SMCHD1: variants seen among roughly 807,000 people sequenced by gnomAD.
The protein encoded by SMCHD1 is structural maintenance of chromosomes flexible hinge domain containing 1.
A neutral mutation model predicts 254.7 loss-of-function variants in SMCHD1; 78 were observed. The ratio of observed to expected loss-of-function variants is 0.31; its 90% CI spans 0.26 to 0.37. The LOEUF (loss-of-function observed/expected upper bound fraction) is 0.37, where lower values mean the gene tolerates loss of function less well. Ranked by LOEUF, SMCHD1 falls within the 10% of genes least tolerant of loss-of-function variation. The pLI is 1.00. For synonymous variants in SMCHD1, 766 were observed against 794.9 expected (o/e 0.96, Z 0.61); for missense variants, 1,840 against 2,408.1 (o/e 0.76, Z 4.94).
chr18:2,695,310 T>A (rs538161732), intron 8 of SMCHD1, among the ~76,000 whole-genome samples: 31 of 107,682 alleles, frequency 2.9e-4, no homozygotes, highest in South Asian at 2.8e-3. Flanking sequence ...TAAAAAAAAA[T>A]TTTTTTTTTT....
chr18:2,796,744 CTAATTTTTTG>C (rs1284332071), intron 47 of SMCHD1: 6 of 469,778 alleles, frequency 1.3e-5, no homozygotes, highest in Non-Finnish European at 2.2e-5. Context: ...CCATGCTTGG[CTAATTTTTTG>C]TATTTTTTTG....
chr18:2,715,793 G>A (rs1253925136), intron 17 of SMCHD1, among the ~76,000 whole-genome samples: 1 of 152,170 alleles, frequency 6.6e-6, no homozygotes, highest in Non-Finnish European at 1.5e-5. Context: ...TGAGACTGCA[G>A]TGAGCTATGA....
At chr18:2,656,453 G>A (rs1186661555) in intron 1 of SMCHD1, among the ~76,000 whole-genome samples, 192 bp downstream of exon 1, 1 of 152,236 alleles carries the variant, frequency 6.6e-6, no homozygotes, top group Non-Finnish European at 1.5e-5. Flanking sequence ...CCTGGCCCGG[G>A]CCTCGAAGTG....
intron 45 of SMCHD1, chr18:2,785,109 A>G: frequency 3.8e-6 from 1 of 259,836 alleles, no homozygotes; most frequent in Non-Finnish European, 7.6e-6. Flanking sequence ...TTTCCCTTCC[A>G]CAGGCTGTGT....
At chr18:2,748,384 A>AAATTTTTTTTTTTTTTTTTTTTTTT (rs2075504984) in intron 30 of SMCHD1, among the ~76,000 whole-genome samples, 3 of 68,288 alleles carry the variant, frequency 4.4e-5, no homozygotes, top group Admixed American at 1.5e-4. Context: ...GTGTGTGTGT[A>AAATTTTTTTTTTTTTTTTTTTTTTT]TATAAATTTT....
Position 2,726,475 on chromosome 18 carries a change from G to T in SMCHD1, c.2724G>T (p.Leu908=). The T allele has an allele frequency of 6.6e-7, 1 of 1,508,548 alleles. No individual in the cohort carries two copies. The highest frequency in any genetic ancestry group is 2.0e-5 in the Admixed American group (1 of 49,412). 93.4% of individuals were successfully genotyped at this position (1,508,548 alleles called of 1,614,324 possible). Reference sequence around the variant, plus strand: ...AGAATTATAATCTGAAGGTTACTCTGCCTGGCTTAAAAGAAGACTCACAGA... The same window carrying T: ...AGAATTATAATCTGAAGGTTACTCTTCCTGGCTTAAAAGAAGACTCACAGA... ...QGKNYNLKVT[L]PGLKEDSQIL... The change falls in exon 22 of 48, where the codon CTG becomes CTT. Residue 908 remains leucine, a synonymous_variant. Transcript: ENST00000320876.
intron 35 of SMCHD1, 21 bp downstream of exon 35, chr18:2,760,760 T>A: frequency 7.2e-7 from 1 of 1,391,328 alleles, no homozygotes; most frequent in Non-Finnish European, 1.0e-6. Context: ...TTTTTTTATA[T>A]ACCACAGTTA....
At chr18:2,681,147 T>A (rs945476684) in intron 5 of SMCHD1, among the ~76,000 whole-genome samples, 1 of 151,814 alleles carries the variant, frequency 6.6e-6, no homozygotes, top group East Asian at 1.9e-4. Flanking sequence ...GCATGGTGGC[T>A]CACGCGTGTA....
chr18:2,795,364 A>C (rs528337617), intron 45 of SMCHD1, among the ~76,000 whole-genome samples: 1 of 152,288 alleles, frequency 6.6e-6, no homozygotes, highest in Non-Finnish European at 1.5e-5. Flanking sequence ...CAGCCTAAAA[A>C]TTCTGTGTTT....
At chr18:2,794,838 G>A (rs2076229653) in intron 45 of SMCHD1, among the ~76,000 whole-genome samples, 1 of 152,088 alleles carries the variant, frequency 6.6e-6, no homozygotes, top group Admixed American at 6.5e-5. Context: ...TATACATGTG[G>A]GAGTATATAT....
rs760925511 is a variant in SMCHD1, at chr18:2,750,425, T to C, written c.4083T>C (p.Ile1361=). 4.3e-6 allele frequency: 7 copies of C among 1,612,362 alleles called. No homozygotes were observed. In the South Asian group the frequency reaches 7.7e-5, roughly 18 times the overall value. The change falls in exon 32 of 48, where the codon ATT becomes ATC. Residue 1361 remains isoleucine (I), a synonymous_variant. Transcript: ENST00000320876. ...IIEGPIIKLM[I]LPDPEKPVRL... ...AAGGACCTATAATTAAGTTAATGATTCTTCCAGACCCAGAAAAACCCGTTC... is the reference window on the plus strand; with the variant it reads ...AAGGACCTATAATTAAGTTAATGATCCTTCCAGACCCAGAAAAACCCGTTC...
At chr18:2,767,584 CTTTTTTTTTTT>C (rs397858216) in intron 37 of SMCHD1, among the ~76,000 whole-genome samples, 2 of 89,250 alleles carry the variant, frequency 2.2e-5, no homozygotes, top group South Asian at 4.1e-4. Context: ...AACCTATTTC[CTTTTTTTTTTT>C]TTTTTTTTTT....
chr18:2,745,783 G>A (rs1038815514), intron 29 of SMCHD1, among the ~76,000 whole-genome samples: 3 of 152,110 alleles, frequency 2.0e-5, no homozygotes, highest in African/African-American at 4.8e-5. Context: ...TTGTAGATCC[G>A]TAATAATCCA....
At chr18:2,722,697 GAT>G in intron 20 of SMCHD1, 34 bp downstream of exon 20, 20 of 1,549,476 alleles carry the variant, frequency 1.3e-5, no homozygotes, top group Non-Finnish European at 1.7e-5. Context: ...TTTGTCCTTT[GAT>G]ATTTGCTAAG....
At chr18:2,776,881 A>G (rs1164785481) in intron 42 of SMCHD1, among the ~76,000 whole-genome samples, 1 of 152,136 alleles carries the variant, frequency 6.6e-6, no homozygotes, top group African/African-American at 2.4e-5. Context: ...CATAGTTACT[A>G]TGTTGATAAG....
chr18:2,696,500 A>G (rs1276595736), intron 8 of SMCHD1, among the ~76,000 whole-genome samples: 1 of 152,100 alleles, frequency 6.6e-6, no homozygotes, highest in East Asian at 1.9e-4. Flanking sequence ...TTTCATCCCA[A>G]ATCACCCCCC....
intron 34 of SMCHD1, among the ~76,000 whole-genome samples, chr18:2,757,887 A>T (rs541309613): frequency 1.2e-4 from 19 of 152,082 alleles, no homozygotes; most frequent in African/African-American, 4.1e-4. Flanking sequence ...GATTATTATT[A>T]TTATTTTTTT....
In SMCHD1 at chr18:2,802,708, C is replaced by T; in HGVS notation, c.*156C>T. On this transcript the variant is annotated 3_prime_UTR_variant, in exon 48 of 48. Coordinates refer to ENST00000320876, the MANE Select transcript of SMCHD1 (RefSeq NM_015295.3). ...AATTTCCATTTCGATTCAGATGGGA[C>T]TGGAAACAACCATTCAATTTTATGA... is the stretch of plus-strand genomic sequence containing the variant. 1 of 539,008 alleles carries T rather than the reference C, an allele frequency of 1.9e-6. No homozygotes were observed. 33.4% of individuals were successfully genotyped at this position (539,008 alleles called of 1,614,324 possible).
At chr18:2,671,641 G>C (rs1204070010) in intron 3 of SMCHD1, among the ~76,000 whole-genome samples, 2 of 148,670 alleles carry the variant, frequency 1.3e-5, no homozygotes, top group East Asian at 4.0e-4. Flanking sequence ...TGTCGCCCAG[G>C]CTGGAGTGCA....
Sources: allele counts gnomAD v4.1 joint callset (sites outside exome capture counted in the v4.1 genomes callset), GRCh38; gene constraint gnomAD v4.1.1; transcripts MANE v1.5; gene names NCBI Gene and HGNC (gene_info 2026-07-23, HGNC 2026-07-21).